Variants in LTBP4 observed in about 807,000 individuals in gnomAD.
LTBP4 encodes the protein latent transforming growth factor beta binding protein 4.
LTBP4 carries 93 observed loss-of-function variants against 180.2 expected under a neutral mutation model. The ratio of observed to expected loss-of-function variants is 0.52; its 90% CI spans 0.44 to 0.61. LTBP4 has a LOEUF of 0.61. Ranked by LOEUF, LTBP4 falls within the 20% of genes least tolerant of loss-of-function variation. The pLI, the probability that LTBP4 is intolerant of heterozygous loss-of-function variation, is 0.00. For synonymous variants in LTBP4, 947 were observed against 934.5 expected, an observed-to-expected ratio of 1.01 and a Z score of -0.24; for missense variants, 2,116 against 2,256.5, an observed-to-expected ratio of 0.94 and a Z score of 1.26.
upstream of LTBP4, chr19:40,598,740 C>T (rs934877551): frequency 6.4e-5 from 16 of 248,312 alleles, no homozygotes; most frequent in Admixed American, 8.2e-4. Flanking sequence ...GCCTTCCCTC[C>T]CCAGCTGCCG....
Position 40,627,194 on chromosome 19 carries a change from C to T in LTBP4, c.4205C>T (p.Pro1402Leu). Reference protein sequence around the residue: ...FARREAPYGAPRFDMPDFEDD... With the variant: ...FARREAPYGALRFDMPDFEDD... ...CGCCGGGAGGCTCCTTATGGGGCACCCCGCTTCGACATGCCAGACTTTGAG... is the reference window on the plus strand; with the variant it reads ...CGCCGGGAGGCTCCTTATGGGGCACTCCGCTTCGACATGCCAGACTTTGAG... The change falls in exon 28 of 30, where the codon CCC becomes CTC. Residue 1402 changes from proline to leucine, a missense_variant. Pro to Leu is a moderately conservative substitution (Grantham distance 98). Coordinates refer to ENST00000396819, the MANE Select transcript of LTBP4 (RefSeq NM_001042545.2). 2 of 1,611,978 alleles carry T rather than the reference C, an allele frequency of 1.2e-6. No individual in the cohort carries two copies. Among genetic ancestry groups the T allele is most frequent in the South Asian group, 1.1e-5 (1 of 90,694 alleles).
chr19:40,629,255 A>G lies in LTBP4; in HGVS notation c.4520-141A>G. 1 of 1,090,660 alleles carries G rather than the reference A, an allele frequency of 9.2e-7. No individual in the cohort carries two copies. Among genetic ancestry groups the G allele is most frequent in the South Asian group, 1.3e-5 (1 of 74,834 alleles). The allele number at this position is 1,090,660 out of a possible 1,614,324, so 67.6% of individuals were successfully genotyped here. A position where few individuals can be genotyped will look rare whatever the true frequency, so the allele number is the denominator to read the frequency against. On this transcript the variant is annotated intron_variant, in intron 29 of 29. Coordinates refer to ENST00000396819, the MANE Select transcript of LTBP4 (RefSeq NM_001042545.2). The surrounding 1 kb of genome is among the most constrained non-coding windows in gnomAD (Gnocchi z 4.5). ...GGTTAAGCCACCTGGCCGGGCTCAC[A>G]CAGTTAGCAGATGGCAGAGGCCAGA...
rs1256593166 is a variant in LTBP4, at chr19:40,610,818, C to G, written c.1810+161C>G. On this transcript the variant is annotated intron_variant, in intron 12 of 29. Transcript: ENST00000396819. ...TGGCCTGATGGCAGTAGAGAGAGAC[C>G]TGGGATGCAGAGGCCAAGTGATGGG... The G allele has an allele frequency of 3.5e-6, 4 of 1,135,632 alleles. No individual in the cohort carries two copies. The African/African-American group carries it at 4.7e-5, about 13-fold the overall frequency. The allele number at this position is 1,135,632 out of a possible 1,614,324, so 70.3% of individuals were successfully genotyped here. A position where few individuals can be genotyped will look rare whatever the true frequency, so the allele number is the denominator to read the frequency against.
intron 9 of LTBP4, chr19:40,608,963 G>A (rs2081485157): frequency 4.6e-6 from 1 of 218,932 alleles, no homozygotes; most frequent in African/African-American, 2.4e-5. Flanking sequence ...TGGGATTCTG[G>A]GGTAAAAGAC....
At position 40,608,486 on chromosome 19, in the gene LTBP4, T is replaced by C; in HGVS notation, c.1309T>C (p.Phe437Leu). The C allele has an allele frequency of 6.2e-7, 1 of 1,602,136 alleles. No homozygotes were observed. The change falls in exon 9 of 30, where the codon TTT becomes CTT. Residue 437 changes from phenylalanine (F) to leucine (L), a missense_variant and splice_region_variant. Phe to Leu is a conservative substitution (Grantham distance 22, BLOSUM62 0). This residue lies in a region of LTBP4 where 877 missense variants were observed against 873.6 expected (regional missense o/e 1.00). Transcript: ENST00000396819. Reference sequence around the variant, plus strand: ...CGTTGATACCCCTTCTTTATCAGGCTTTCTGCCCACCCATCGCCTGGAGCC... The same window carrying C: ...CGTTGATACCCCTTCTTTATCAGGCCTTCTGCCCACCCATCGCCTGGAGCC... ...LPATSRPSAG[F>L]LPTHRLEPRP...
intron 1 of LTBP4, among the ~76,000 whole-genome samples, chr19:40,602,145 T>TGTG (rs2081428308): frequency 1.2e-5 from 1 of 81,782 alleles, no homozygotes; most frequent in Admixed American, 1.2e-4. Context: ...GAGACGGGGG[T>TGTG]TGTGTGTGTG....
chr19:40,597,228 C>T (rs761251807), upstream of LTBP4: 8 of 1,481,036 alleles, frequency 5.4e-6, no homozygotes, highest in South Asian at 1.0e-4. Flanking sequence ...ACTCGGCGCC[C>T]GACACGATGC....
intron 18 of LTBP4, 136 bp from the exon 19 acceptor site, chr19:40,614,179 T>C: frequency 7.4e-7 from 1 of 1,359,352 alleles, no homozygotes; most frequent in Non-Finnish European, 1.0e-6. Context: ...CCTCCCCAAC[T>C]CTCCTCTACC....
At chr19:40,608,772 G>A (rs557130457) in intron 9 of LTBP4, 169 bp downstream of exon 9, 16 of 693,670 alleles carry the variant, frequency 2.3e-5, no homozygotes, top group Admixed American at 2.0e-4. Context: ...TTAACTGGGC[G>A]TGGTGGCAGA....
In LTBP4 at chr19:40,602,145, TTGTGTGTGTGTG is replaced by T. The variant is rs751242257; in HGVS notation, c.250+535_250+546del. Among the ~76,000 whole-genome samples the T allele has an allele frequency of 5.8e-3, 471 of 81,814 alleles. 5 individuals carry two copies. Among genetic ancestry groups the T allele is most frequent in the South Asian group, 0.014 (31 of 2,186 alleles). 53.7% of individuals were successfully genotyped at this position (81,814 alleles called of 152,430 possible). On this transcript the variant is annotated intron_variant, in intron 1 of 29. Transcript: ENST00000396819. Reference sequence around the variant, plus strand: ...GAGGGAGAGGGGACAGAGACGGGGGTTGTGTGTGTGTGTGTGTGTGTGTGTGTGTGTGTGTGT... The same window carrying T: ...GAGGGAGAGGGGACAGAGACGGGGGTTGTGTGTGTGTGTGTGTGTGTGTGT...
At chr19:40,615,194 G>GGGGC (rs1555737709) in intron 19 of LTBP4, 1 of 70,892 alleles carries the variant, frequency 1.4e-5, no homozygotes, top group Non-Finnish European at 2.8e-5. Flanking sequence ...TTGTGTCGGC[G>GGGGC]GGGGGGGGGG....
chr19:40,596,166 C>T (rs1048201612), intron 1 of LTBP4, among the ~76,000 whole-genome samples: 6 of 151,944 alleles, frequency 3.9e-5, no homozygotes, highest in Admixed American at 1.3e-4. Flanking sequence ...ATGATCCACC[C>T]GCCTCGGCCT....
upstream of LTBP4, among the ~76,000 whole-genome samples, chr19:40,598,035 T>G (rs1336619834): frequency 6.6e-6 from 1 of 152,002 alleles, no homozygotes; most frequent in Non-Finnish European, 1.5e-5. Flanking sequence ...AGATCCAGGA[T>G]TCCCTATAGA....
rs1376398760 is a variant in LTBP4 at position 40,617,009 on chromosome 19, G to T, written c.2933G>T (p.Gly978Val). ...CDPGYQPTPGGGCQDVDECRN... is the reference protein window; with the variant it reads ...CDPGYQPTPGVGCQDVDECRN... ...CCTGGCTATCAGCCCACGCCAGGGGGCGGATGCCAGGGTGGGTGTCCATCA... is the reference window on the plus strand; with the variant it reads ...CCTGGCTATCAGCCCACGCCAGGGGTCGGATGCCAGGGTGGGTGTCCATCA... Residue 978 changes from glycine to valine, a missense_variant, in exon 20 of 30, where the codon GGC (glycine) becomes GTC (valine). By Grantham distance (109) the Gly-to-Val change is moderately radical. Around this residue, in one of 5 missense-constraint regions of LTBP4, gnomAD observed 877 missense variants for 873.6 expected, o/e 1.00. Coordinates refer to ENST00000396819, the MANE Select transcript of LTBP4 (RefSeq NM_001042545.2). The T allele has an allele frequency of 6.2e-7, 1 of 1,613,228 alleles. No individual in the cohort carries two copies. Among genetic ancestry groups the T allele is most frequent in the East Asian group, 2.2e-5 (1 of 44,872 alleles).
At position 40,625,954 on chromosome 19, in the gene LTBP4, C is replaced by T. The variant is rs1265036003; in HGVS notation, c.3930C>T (p.Cys1310=). The T allele has an allele frequency of 6.2e-7, 1 of 1,608,396 alleles. No individual in the cohort carries two copies. The highest frequency in any genetic ancestry group is 2.2e-5 in the East Asian group (1 of 44,550). Residue 1310 remains cysteine, a synonymous_variant, in exon 27 of 30, where the codon TGC becomes TGT. Transcript: ENST00000396819. ...DRQATYTECC[C]LYGEAWGMDC... Reference sequence around the variant, plus strand: ...AGGCCACCTACACAGAGTGCTGCTGCCTGTATGGAGAGGCCTGGGGCATGG... The same window carrying T: ...AGGCCACCTACACAGAGTGCTGCTGTCTGTATGGAGAGGCCTGGGGCATGG...
Position 40,611,327 on chromosome 19 carries a change from G to A in LTBP4, c.1986G>A (p.Thr662=), listed in dbSNP as rs767637035. ...GTGGGCCCGGCCGCTGTGACAACAC[G>A]GCAGGCTCCTTTCACTGTGCCTGCC... ...PPCGPGRCDN[T]AGSFHCACPA... Residue 662 remains threonine, a synonymous_variant, in exon 13 of 30, where the codon ACG becomes ACA. Coordinates refer to ENST00000396819, the MANE Select transcript of LTBP4 (RefSeq NM_001042545.2). The surrounding 1 kb of genome is among the most constrained non-coding windows in gnomAD (Gnocchi z 4.4). 47 of 1,611,806 alleles carry A rather than the reference G, an allele frequency of 2.9e-5. No homozygotes were observed. The highest frequency in any genetic ancestry group is 1.6e-4 in the East Asian group (7 of 44,844).
intron 1 of LTBP4, among the ~76,000 whole-genome samples, chr19:40,595,000 G>T (rs1294495553): frequency 6.6e-6 from 1 of 152,050 alleles, no homozygotes; most frequent in African/African-American, 2.4e-5. Flanking sequence ...ACGGCGTGTG[G>T]CCTAGTACCC....
Position 40,613,975 on chromosome 19 carries a change from GGCTCCTTCGA to G in LTBP4, c.2619_2628del (p.Ser874AlafsTer149). The G allele has an allele frequency of 6.2e-7, 1 of 1,613,670 alleles. No homozygotes were observed. The highest frequency in any genetic ancestry group is 1.7e-5 in the Admixed American group (1 of 60,008). On this transcript the variant is annotated frameshift_variant, in exon 18 of 30. Coordinates refer to ENST00000396819, the MANE Select transcript of LTBP4 (RefSeq NM_001042545.2). LOFTEE classifies it high-confidence loss of function. This position sits in a 1 kb window ranked among gnomAD's most constrained non-coding sequence, Gnocchi z 5.0. The stretch of plus-strand genomic sequence containing the variant: ...GAGCGGCATCTGTACCAACACCGAC[GGCTCCTTCGA>G]GTGCATCTGTCCTCCGGGACACCGC...
chr19:40,604,533 G>A (rs1296672245), intron 1 of LTBP4, among the ~76,000 whole-genome samples: 1 of 152,142 alleles, frequency 6.6e-6, no homozygotes, highest in Non-Finnish European at 1.5e-5. Context: ...TGGGATCCGA[G>A]AGGTTGACAT....
Sources: allele counts gnomAD v4.1 joint callset (sites outside exome capture counted in the v4.1 genomes callset), GRCh38; gene constraint gnomAD v4.1.1; regional missense constraint gnomAD v4.1.1; non-coding constraint Gnocchi (gnomAD v3.1); transcripts MANE v1.5; gene names NCBI Gene and HGNC (gene_info 2026-07-23, HGNC 2026-07-21).